CRISPLD1: variants seen among roughly 807,000 people sequenced by gnomAD.
The protein encoded by CRISPLD1 is cysteine-rich secretory protein LCCL domain-containing 1.
In CRISPLD1, 60 loss-of-function variants were observed where a neutral mutation model predicts 77.5. That is an observed-to-expected ratio of 0.77 (90% CI 0.63 to 0.96). CRISPLD1 has a LOEUF of 0.96. CRISPLD1 is among the 40% of genes least tolerant of loss of function. The probability of loss-of-function intolerance (pLI) is 0.00; values close to 1 mark genes in which losing one functional copy is unlikely to be tolerated. For synonymous variants in CRISPLD1, 195 were observed against 200.1 expected, an observed-to-expected ratio of 0.97 and a Z score of 0.22; for missense variants, 623 against 615.8, an observed-to-expected ratio of 1.01 and a Z score of -0.12.
At chr8:74,994,479 A>C (rs546720210) in intron 2 of CRISPLD1, among the ~76,000 whole-genome samples, 32 of 152,282 alleles carry the variant, frequency 2.1e-4, no homozygotes, top group African/African-American at 7.0e-4. Context: ...GGATCCTTCA[A>C]CTTGCAAGGA....
rs748186811 is a variant in CRISPLD1 at position 75,020,070 on chromosome 8, A to G, written c.1235A>G (p.His412Arg). ...TGTCCATTTCATAAGCCTGCTTCAC[A>G]TTGCCCAAGGTAAACCAGTGTACAC... ...QLCPFHKPAS[H>R]CPRVYCPRNC... Residue 412 changes from histidine (H) to arginine (R), a missense_variant, in exon 12 of 15, where the codon CAT becomes CGT. Coordinates refer to ENST00000262207, the MANE Select transcript of CRISPLD1 (RefSeq NM_031461.6). The G allele has an allele frequency of 1.9e-6, 3 of 1,614,024 alleles. No homozygotes were observed. Among genetic ancestry groups the G allele is most frequent in the East Asian group, 2.2e-5 (1 of 44,856 alleles).
At chr8:75,027,370 A>C (rs1445856556) in intron 13 of CRISPLD1, among the ~76,000 whole-genome samples, 2 of 152,234 alleles carry the variant, frequency 1.3e-5, no homozygotes, top group African/African-American at 4.8e-5. Context: ...TCTGAACTCA[A>C]CAGAGATTTC....
At chr8:74,998,685 C>CAAAAAA (rs368258595) in intron 2 of CRISPLD1, among the ~76,000 whole-genome samples, 1,033 of 50,740 alleles carry the variant, frequency 0.02, 131 homozygotes, top group African/African-American at 0.049. Flanking sequence ...GACTCCATCT[C>CAAAAAA]AAAAAAAAAA....
At chr8:74,993,956 G>A (rs949066782) in intron 2 of CRISPLD1, among the ~76,000 whole-genome samples, 1 of 152,156 alleles carries the variant, frequency 6.6e-6, no homozygotes, top group Non-Finnish European at 1.5e-5. Flanking sequence ...TAGGAGATGA[G>A]GTTACAGATT....
In CRISPLD1 at chr8:74,985,967, G is replaced by A; in HGVS notation, c.-21G>A. ...AGCCTGTCTTGGAGATTTTCCTGGG[G>A]AAATCCTGAGGTCATTCATTATGAA... On this transcript the variant is annotated 5_prime_UTR_variant, in exon 2 of 15. Coordinates refer to ENST00000262207, the MANE Select transcript of CRISPLD1 (RefSeq NM_031461.6). 1.3e-6 allele frequency: 2 copies of A among 1,596,380 alleles called. No homozygotes were observed. Among genetic ancestry groups the A allele is most frequent in the Non-Finnish European group, 1.7e-6 (2 of 1,167,340 alleles).
intron 2 of CRISPLD1, among the ~76,000 whole-genome samples, chr8:75,009,534 T>A (rs1795288147): frequency 6.6e-6 from 1 of 151,926 alleles, no homozygotes; most frequent in South Asian, 2.1e-4. Flanking sequence ...AGGAACTGTT[T>A]CTATTTTTCC....
intron 13 of CRISPLD1, 77 bp downstream of exon 13, chr8:75,025,698 G>T: frequency 8.4e-6 from 6 of 717,512 alleles, no homozygotes; most frequent in Middle Eastern, 3.3e-4. Flanking sequence ...ATGTGTATAT[G>T]TACATTTATA....
At chr8:75,015,535 C>T (rs1813012799) in intron 6 of CRISPLD1, among the ~76,000 whole-genome samples, 1 of 152,160 alleles carries the variant, frequency 6.6e-6, no homozygotes, top group African/African-American at 2.4e-5. Flanking sequence ...TGTGAAAAGT[C>T]ATGCACTTGT....
Position 75,029,425 on chromosome 8 carries a change from G to C in CRISPLD1, c.1359G>C (p.Val453=). Residue 453 remains valine (V), a synonymous_variant, in exon 14 of 15, where the codon GTG becomes GTC. Transcript: ENST00000262207. ...GCAGAGCAGCAGTACATGCTGGAGT[G>C]GTTCGAAATCACGGTGGTTATGTTG... ...SICRAAVHAG[V]VRNHGGYVDV... is the part of the protein sequence containing the mutation. 1.2e-6 allele frequency: 2 copies of C among 1,613,628 alleles called. No homozygotes were observed. The highest frequency in any genetic ancestry group is 1.7e-6 in the Non-Finnish European group (2 of 1,179,734).
chr8:74,997,326 A>G (rs1812661510), intron 2 of CRISPLD1, among the ~76,000 whole-genome samples: 3 of 152,284 alleles, frequency 2.0e-5, no homozygotes, highest in African/African-American at 7.2e-5. Context: ...GCTGAAAATA[A>G]TGTGAAGGGT....
In CRISPLD1 at chr8:75,032,771, T is replaced by C. The variant is rs1292618181; in HGVS notation, c.*529T>C. 1 of 151,956 alleles carries C rather than the reference T, an allele frequency of 6.6e-6. No individual in the cohort carries two copies. Among genetic ancestry groups the C allele is most frequent in the African/African-American group, 2.4e-5 (1 of 41,444 alleles). The allele number at this position is 151,956 out of a possible 1,614,324, so 9.4% of individuals were successfully genotyped here. On this transcript the variant is annotated 3_prime_UTR_variant, in exon 15 of 15. Coordinates refer to ENST00000262207, the MANE Select transcript of CRISPLD1 (RefSeq NM_031461.6). Reference sequence around the variant, plus strand: ...CTGTTAATTTAGGCATATAGAATATTAAATTCTGATATTGCACTTCTTATT... The same window carrying C: ...CTGTTAATTTAGGCATATAGAATATCAAATTCTGATATTGCACTTCTTATT...
intron 3 of CRISPLD1, 119 bp downstream of exon 3, chr8:75,012,670 C>A (rs556208820): frequency 2.4e-6 from 2 of 838,002 alleles, no homozygotes; most frequent in African/African-American, 1.7e-5. Flanking sequence ...AATCACGAAA[C>A]AAGTAACAAA....
At chr8:75,010,497 T>C (rs1173203510) in intron 2 of CRISPLD1, among the ~76,000 whole-genome samples, 2 of 152,160 alleles carry the variant, frequency 1.3e-5, no homozygotes, top group African/African-American at 2.4e-5. Flanking sequence ...ACATTTGTTT[T>C]CTGTACTTCT....
intron 14 of CRISPLD1, among the ~76,000 whole-genome samples, 167 bp downstream of exon 14, chr8:75,029,684 G>C (rs1437416158): frequency 6.6e-6 from 1 of 152,078 alleles, no homozygotes; most frequent in African/African-American, 2.4e-5. Flanking sequence ...TCCAGGGATG[G>C]GAGAAGCTGT....
At chr8:75,000,397 G>A (rs556946071) in intron 2 of CRISPLD1, 2 of 985,366 alleles carry the variant, frequency 2.0e-6, no homozygotes, top group South Asian at 4.7e-5. Flanking sequence ...TAAATCAAGA[G>A]TACTGTGAAT....
chr8:74,997,955 G>A (rs920570327), intron 2 of CRISPLD1, among the ~76,000 whole-genome samples: 3 of 152,192 alleles, frequency 2.0e-5, no homozygotes, highest in Non-Finnish European at 4.4e-5. Context: ...ATCTCAAGAT[G>A]ATGTTGCTGT....
At chr8:74,999,948 G>C (rs889742013) in intron 2 of CRISPLD1, among the ~76,000 whole-genome samples, 4 of 151,114 alleles carry the variant, frequency 2.6e-5, no homozygotes, top group African/African-American at 7.3e-5. Flanking sequence ...GTGAAATACA[G>C]CCACCGACAG....
intron 12 of CRISPLD1, among the ~76,000 whole-genome samples, chr8:75,021,054 C>G (rs752228853): frequency 7.9e-5 from 12 of 152,102 alleles, no homozygotes; most frequent in Non-Finnish European, 1.3e-4. Flanking sequence ...ATCCACACTA[C>G]TTTTAAAAAC....
intron 12 of CRISPLD1, among the ~76,000 whole-genome samples, chr8:75,023,893 CAT>C (rs1292155933): frequency 1.3e-5 from 2 of 151,910 alleles, no homozygotes; most frequent in Non-Finnish European, 2.9e-5. Flanking sequence ...TTTAAAATAT[CAT>C]GTGATTGATT....
Sources: allele counts gnomAD v4.1 joint callset (sites outside exome capture counted in the v4.1 genomes callset), GRCh38; gene constraint gnomAD v4.1.1; transcripts MANE v1.5; gene names NCBI Gene and HGNC (gene_info 2026-07-23, HGNC 2026-07-21).